Variants in MAGI2 observed in about 807,000 individuals in gnomAD.
MAGI2 encodes the protein membrane associated guanylate kinase, WW and PDZ domain containing 2.
Under a neutral mutation model 133.3 loss-of-function variants are expected in MAGI2, and 35 were observed. That is an observed-to-expected ratio of 0.26 (90% CI 0.20 to 0.35). The LOEUF is 0.35. MAGI2 is among the 10% of genes least tolerant of loss of function. The probability of loss-of-function intolerance (pLI) is 1.00; values close to 1 mark genes in which losing one functional copy is unlikely to be tolerated. For synonymous variants in MAGI2, 729 were observed against 710.6 expected (o/e 1.03, Z -0.41); for missense variants, 1,636 against 1,863.4 (o/e 0.88, Z 2.25).
At chr7:78,724,914 C>G (rs78008114) in intron 2 of MAGI2, among the ~76,000 whole-genome samples, 2,599 of 152,158 alleles carry the variant, frequency 0.017, 64 homozygotes, top group African/African-American at 0.06. Context: ...TGGAGAGAAG[C>G]GCTCTAAGTG....
rs11974827 is a variant in MAGI2, at chr7:78,165,965, A to G, written c.2596+1951T>C. Among the ~76,000 whole-genome samples the G allele has an allele frequency of 7.3e-3, 1,105 of 152,294 alleles. 16 individuals are homozygous for G. The highest frequency in any genetic ancestry group is 0.024 in the African/African-American group (1,013 of 41,554). On this transcript the variant is annotated intron_variant, in intron 15 of 21. Coordinates refer to ENST00000354212, the MANE Select transcript of MAGI2 (RefSeq NM_012301.4). ...GAACTTAATATTTTCAATACTGATG[A>G]AGCTTTCAAGGAAGAGTGGGCTGAA...
rs200204921 is a variant in MAGI2, at chr7:78,975,447, C to T, written c.418+31643G>A. Among the ~76,000 whole-genome samples the T allele has an allele frequency of 3.3e-5, 5 of 151,344 alleles. No individual in the cohort carries two copies. In the East Asian group the frequency reaches 5.9e-4, roughly 18 times the overall value. The stretch of plus-strand genomic sequence containing the variant: ...ATATATGTGTCCAAAGAAGAAGTCA[C>T]GGGAGAAATTTTAAAATACTTTGAA... On this transcript the variant is annotated intron_variant, in intron 2 of 21. Transcript: ENST00000354212.
chr7:79,037,605 A>T (rs1811246019), intron 1 of MAGI2, among the ~76,000 whole-genome samples: 1 of 152,192 alleles, frequency 6.6e-6, no homozygotes, highest in Non-Finnish European at 1.5e-5. Context: ...AAAAAATCAC[A>T]GTACCAACAT....
intron 2 of MAGI2, among the ~76,000 whole-genome samples, chr7:78,638,876 C>T (rs1391225362): frequency 6.6e-6 from 1 of 151,710 alleles, no homozygotes; most frequent in Non-Finnish European, 1.5e-5. Flanking sequence ...CTTTTGATTC[C>T]CTAATTTATT....
chr7:78,244,924 A>G (rs798352), intron 10 of MAGI2, among the ~76,000 whole-genome samples: 81,452 of 151,616 alleles, frequency 0.54, 21,964 homozygotes, highest in Middle Eastern at 0.63. Flanking sequence ...CATGGCAAAT[A>G]TTAATCTTAA....
intron 1 of MAGI2, among the ~76,000 whole-genome samples, chr7:79,261,627 A>C (rs548239665): frequency 6.6e-6 from 1 of 152,146 alleles, no homozygotes; most frequent in Middle Eastern, 3.2e-3. Flanking sequence ...AACTACATTC[A>C]TATTCCTCTA....
chr7:79,435,626 G>C (rs201835639), intron 1 of MAGI2, among the ~76,000 whole-genome samples: 1 of 145,538 alleles, frequency 6.9e-6, no homozygotes, highest in Non-Finnish European at 1.5e-5. Flanking sequence ...CCTATAAAAA[G>C]TTTTTTATTC....
At chr7:78,680,771 T>A (rs10255555) in intron 2 of MAGI2, among the ~76,000 whole-genome samples, 2,757 of 152,250 alleles carry the variant, frequency 0.018, 103 homozygotes, top group African/African-American at 0.063. Flanking sequence ...TTCCTATCTG[T>A]GCTCCTTAGA....
chr7:78,690,402 G>A (rs1386417527), intron 2 of MAGI2, among the ~76,000 whole-genome samples: 8 of 152,072 alleles, frequency 5.3e-5, no homozygotes, highest in African/African-American at 1.2e-4. Context: ...CTCTCTGACC[G>A]CTGCTCCCTG....
At chr7:78,346,853 C>T (rs780266053) in intron 7 of MAGI2, among the ~76,000 whole-genome samples, 1 of 152,042 alleles carries the variant, frequency 6.6e-6, no homozygotes, top group Non-Finnish European at 1.5e-5. Context: ...AGAGGGCTGG[C>T]ATATACATTG....
intron 3 of MAGI2, among the ~76,000 whole-genome samples, chr7:78,555,569 A>G (rs916722427): frequency 2.0e-5 from 3 of 152,212 alleles, no homozygotes; most frequent in Non-Finnish European, 2.9e-5. Context: ...AAGCACAACT[A>G]TGGCAATGAT....
intron 2 of MAGI2, among the ~76,000 whole-genome samples, chr7:78,658,985 A>G (rs1380402294): frequency 6.6e-6 from 1 of 152,196 alleles, no homozygotes; most frequent in Non-Finnish European, 1.5e-5. Flanking sequence ...CAGGGAAATG[A>G]CAAGTTATAT....
At chr7:79,210,827 T>C (rs1436067330) in intron 1 of MAGI2, among the ~76,000 whole-genome samples, 2 of 152,076 alleles carry the variant, frequency 1.3e-5, no homozygotes, top group Non-Finnish European at 2.9e-5. Flanking sequence ...ATAACAGATA[T>C]ATTATTCTTC....
At chr7:78,762,617 T>C (rs1824626410) in intron 2 of MAGI2, among the ~76,000 whole-genome samples, 3 of 152,236 alleles carry the variant, frequency 2.0e-5, no homozygotes, top group African/African-American at 7.2e-5. Context: ...AACTATGTCC[T>C]ACAACCTCTA....
intron 1 of MAGI2, among the ~76,000 whole-genome samples, chr7:79,162,765 A>T (rs1824495952): frequency 6.6e-6 from 1 of 152,116 alleles, no homozygotes; most frequent in Admixed American, 6.6e-5. Context: ...TCTTTTGCAG[A>T]ACAATGCTTA....
chr7:78,157,721 C>T (rs530414828), intron 16 of MAGI2, among the ~76,000 whole-genome samples: 2 of 152,316 alleles, frequency 1.3e-5, no homozygotes, highest in Admixed American at 6.5e-5. Context: ...CTGTGAACAC[C>T]TTCCTCAAGT....
At chr7:78,557,979 T>C (rs1176428996) in intron 3 of MAGI2, among the ~76,000 whole-genome samples, 1 of 146,678 alleles carries the variant, frequency 6.8e-6, no homozygotes, top group African/African-American at 2.5e-5. Context: ...GGAACTCTTT[T>C]TTTTTTTTAA....
chr7:78,452,104 A>G (rs1184878682), intron 6 of MAGI2, among the ~76,000 whole-genome samples: 1 of 152,040 alleles, frequency 6.6e-6, no homozygotes. Flanking sequence ...TGGGCCAGGC[A>G]CTTTACTGAG....
intron 2 of MAGI2, among the ~76,000 whole-genome samples, chr7:78,734,576 C>T (rs553457109): frequency 1.3e-5 from 2 of 152,272 alleles, no homozygotes; most frequent in South Asian, 2.1e-4. Flanking sequence ...TACATTTGAC[C>T]ACCCTATGTG....
Sources: gnomAD v4.1 joint callset for allele counts (sites outside exome capture counted in the v4.1 genomes callset) on GRCh38, gnomAD v4.1.1 for gene constraint, MANE v1.5 for transcripts, NCBI Gene and HGNC (gene_info 2026-07-23, HGNC 2026-07-21) for gene names.